The following TJP1 variants were observed in gnomAD, a reference collection of about 807,000 sequenced individuals.
The protein encoded by TJP1 is tight junction protein ZO-1.
In TJP1, 43 loss-of-function variants were observed where a neutral mutation model predicts 194.2. The observed-to-expected ratio is 0.22, with a 90% CI of 0.17 to 0.29. TJP1 has a LOEUF of 0.29. Among genes scored for constraint, TJP1 ranks in the 10% least tolerant of loss-of-function variants. The pLI is 1.00. For synonymous variants in TJP1, 801 were observed against 779.0 expected (o/e 1.03, Z -0.47); for missense variants, 1,971 against 2,185.7 (o/e 0.90, Z 1.96).
In TJP1 at chr15:29,719,082, T is replaced by C; in HGVS notation, c.3060A>G (p.Lys1020=). The change falls in exon 21 of 28, where the codon AAA becomes AAG. Residue 1020 remains lysine (K), a synonymous_variant. Transcript: ENST00000614355. The part of the protein sequence containing the change: ...EEMMRQNHVL[K]QPAVSHPGHR... ...GCCCTGGGTGACTAACGGCTGGCTG[T>C]TTCAAAACATGGTTCTGCCTCATCA... The C allele has an allele frequency of 6.2e-7, 1 of 1,614,154 alleles. No homozygotes were observed. The highest frequency in any genetic ancestry group is 8.5e-7 in the Non-Finnish European group (1 of 1,180,026).
At chr15:29,761,503 G>A (rs898891092) in intron 7 of TJP1, 98 bp downstream of exon 7, 13 of 1,435,942 alleles carry the variant, frequency 9.1e-6, no homozygotes, top group African/African-American at 1.4e-5. Flanking sequence ...GTGTTTGGCT[G>A]GTAGAAAATT....
At chr15:29,810,773 T>C (rs2049436208) in intron 1 of TJP1, among the ~76,000 whole-genome samples, 1 of 152,110 alleles carries the variant, frequency 6.6e-6, no homozygotes, top group African/African-American at 2.4e-5. Flanking sequence ...ATGAGGTGCA[T>C]GAAAGATGGA....
At chr15:29,838,251 C>G (rs578088405) in intron 2 of TJP1, among the ~76,000 whole-genome samples, 181 of 152,222 alleles carry the variant, frequency 1.2e-3, no homozygotes, top group African/African-American at 4.1e-3. Flanking sequence ...ATGGCAAAAC[C>G]CTGTCTCTAC....
At chr15:29,720,168 A>T in intron 19 of TJP1, 152 bp from the exon 20 acceptor site, 1 of 1,156,296 alleles carries the variant, frequency 8.6e-7, no homozygotes, top group Non-Finnish European at 1.2e-6. Context: ...AAAAAAAAAA[A>T]TCCAGTACAT....
chr15:29,701,890 TA>T (rs1199491335), intron 27 of TJP1, among the ~76,000 whole-genome samples: 14 of 152,362 alleles, frequency 9.2e-5, no homozygotes, highest in African/African-American at 3.1e-4. Context: ...TTCACACTTC[TA>T]AAAAAATTTT....
In TJP1 at chr15:29,732,741, A is replaced by C; in HGVS notation, c.1811T>G (p.Phe604Cys). 6.2e-7 allele frequency: 1 copy of C among 1,614,186 alleles called. No individual in the cohort carries two copies. The highest frequency in any genetic ancestry group is 8.5e-7 in the Non-Finnish European group (1 of 1,180,032). The change falls in exon 14 of 28, where the codon TTC becomes TGC. Residue 604 changes from phenylalanine (F) to cysteine (C), a missense_variant. This residue lies in a region of TJP1 where 402 missense variants were observed against 484.2 expected (regional missense o/e 0.83). Coordinates refer to ENST00000614355, the MANE Select transcript of TJP1 (RefSeq NM_001330239.4). ...AGGDRADFWR[F>C]RGLRSSKRNL... ...TCTCTTGGAGCTGCGAAGACCTCTG[A>C]ATCTCCAGAAGTCAGCACGGTCTCC...
At chr15:29,836,878 A>T (rs571247056) in intron 2 of TJP1, among the ~76,000 whole-genome samples, 17 of 152,320 alleles carry the variant, frequency 1.1e-4, no homozygotes, top group African/African-American at 4.1e-4. Context: ...GGATACAGCC[A>T]CAAAGTGCCA....
intron 1 of TJP1, among the ~76,000 whole-genome samples, chr15:29,967,407 T>C (rs949754957): frequency 5.9e-5 from 9 of 151,476 alleles, no homozygotes; most frequent in African/African-American, 1.9e-4. Context: ...AGAAAGACAC[T>C]AACATTTACT....
chr15:29,753,280 G>A (rs889488449), intron 8 of TJP1, among the ~76,000 whole-genome samples: 1 of 151,626 alleles, frequency 6.6e-6, no homozygotes, highest in Non-Finnish European at 1.5e-5. Context: ...TCAGGAGATC[G>A]AGACCATCCT....
intron 2 of TJP1, among the ~76,000 whole-genome samples, chr15:29,949,275 T>C (rs956240839): frequency 8.3e-3 from 201 of 24,306 alleles, no homozygotes; most frequent in Middle Eastern, 0.033. Context: ...ACCACCTCCA[T>C]CACCTCCACC....
At chr15:29,832,970 G>T (rs947772974) in intron 2 of TJP1, among the ~76,000 whole-genome samples, 1 of 152,126 alleles carries the variant, frequency 6.6e-6, no homozygotes, top group African/African-American at 2.4e-5. Context: ...GCCACACTGG[G>T]CCACCCCAGC....
chr15:29,926,614 G>GAAAA (rs56803797), intron 2 of TJP1, among the ~76,000 whole-genome samples: 1 of 113,972 alleles, frequency 8.8e-6, no homozygotes, highest in Non-Finnish European at 1.9e-5. Flanking sequence ...CTCCATTTCA[G>GAAAA]AAAAAAAAAA....
rs116453172 is a variant in TJP1 at position 29,860,419 on chromosome 15, C to T, written c.307-59717G>A. ...ACCCAGAAGACACTTCGCCCTTGCC[C>T]TAGGATCACCCCCTCAACTCCCTAG... On this transcript the variant is annotated intron_variant, in intron 2 of 28. Transcript: ENST00000356107. Among the ~76,000 whole-genome samples the T allele has an allele frequency of 4.4e-3, 663 of 152,228 alleles. 7 individuals are homozygous for T. Among genetic ancestry groups the T allele is most frequent in the African/African-American group, 0.015 (632 of 41,546 alleles).
chr15:29,716,987 T>G, intron 22 of TJP1, 149 bp from the exon 23 acceptor site: 1 of 704,866 alleles, frequency 1.4e-6, no homozygotes, highest in Non-Finnish European at 2.3e-6. Context: ...ACAGTTAAAA[T>G]GGATATTTCA....
Position 29,718,897 on chromosome 15 carries a change from T to C in TJP1, c.3245A>G (p.Asp1082Gly). 3 of 1,614,182 alleles carry C rather than the reference T, an allele frequency of 1.9e-6. No homozygotes were observed. Among genetic ancestry groups the C allele is most frequent in the Non-Finnish European group, 2.5e-6 (3 of 1,180,030 alleles). Reference sequence around the variant, plus strand: ...CTGTTCTTCATACATGGGGACGCGATCTTCGTATCGCAGACGATGTTCATA... The same window carrying C: ...CTGTTCTTCATACATGGGGACGCGACCTTCGTATCGCAGACGATGTTCATA... ...RNYEHRLRYEDRVPMYEEQWS... is the reference protein window; with the variant it reads ...RNYEHRLRYEGRVPMYEEQWS... Residue 1082 changes from aspartate to glycine, a missense_variant, in exon 21 of 28, where the codon GAT (aspartate) becomes GGT (glycine). Asp to Gly is a moderately conservative substitution (Grantham distance 94). Around this residue, in one of 5 missense-constraint regions of TJP1, gnomAD observed 1,108 missense variants for 1,128.5 expected, o/e 0.98. Transcript: ENST00000614355.
chr15:29,731,046 T>C, intron 15 of TJP1: 1 of 908,664 alleles, frequency 1.1e-6, no homozygotes, highest in Non-Finnish European at 1.8e-6. Context: ...AATACTTTTA[T>C]CAAGTTTTAT....
upstream of TJP1, chr15:29,823,199 A>G (rs151167843): frequency 6.6e-6 from 1 of 152,362 alleles, no homozygotes; most frequent in Non-Finnish European, 1.5e-5. Context: ...AAGATTGCTG[A>G]AATTCTTGTT....
At chr15:29,727,469 T>G (rs1446676054) in intron 16 of TJP1, among the ~76,000 whole-genome samples, 1 of 152,210 alleles carries the variant, frequency 6.6e-6, no homozygotes, top group Admixed American at 6.5e-5. Context: ...CAGGAGCACA[T>G]ATTAAAAAAC....
chr15:29,797,661 C>A (rs1249950165), intron 2 of TJP1, among the ~76,000 whole-genome samples: 1 of 149,588 alleles, frequency 6.7e-6, no homozygotes, highest in Non-Finnish European at 1.5e-5. Context: ...AAAGGCAATC[C>A]ATGGAAAGGA....
Sources: allele counts gnomAD v4.1 joint callset (sites outside exome capture counted in the v4.1 genomes callset), GRCh38; gene constraint gnomAD v4.1.1; regional missense constraint gnomAD v4.1.1; transcripts MANE v1.5; gene names NCBI Gene and HGNC (gene_info 2026-07-23, HGNC 2026-07-21).